ADGRL2: variants seen among roughly 807,000 people sequenced by gnomAD.
ADGRL2 encodes calcium-independent alpha-latrotoxin receptor 2.
A neutral mutation model predicts 157.4 loss-of-function variants in ADGRL2; 44 were observed. The ratio of observed to expected loss-of-function variants is 0.28; its 90% CI spans 0.22 to 0.36. ADGRL2 has a LOEUF of 0.36. Among genes scored for constraint, ADGRL2 ranks in the 10% least tolerant of loss-of-function variants. ADGRL2 has a pLI of 1.00. For synonymous variants in ADGRL2, 585 were observed against 624.7 expected, an observed-to-expected ratio of 0.94 and a Z score of 0.95; for missense variants, 1,510 against 1,768.9, an observed-to-expected ratio of 0.85 and a Z score of 2.63.
At chr1:81,456,175 T>C (rs2077801694) in intron 2 of ADGRL2, among the ~76,000 whole-genome samples, 1 of 152,108 alleles carries the variant, frequency 6.6e-6, no homozygotes, top group African/African-American at 2.4e-5. Context: ...TAGGATATGA[T>C]ATTTAAGGAA....
chr1:81,697,580 G>A (rs917380885), upstream of ADGRL2, among the ~76,000 whole-genome samples: 1 of 152,120 alleles, frequency 6.6e-6, no homozygotes, highest in Non-Finnish European at 1.5e-5. Context: ...CTGACCCATA[G>A]TAGCCGCTCA....
intron 2 of ADGRL2, among the ~76,000 whole-genome samples, chr1:81,491,256 A>T (rs1026640131): frequency 2.6e-5 from 4 of 152,228 alleles, no homozygotes; most frequent in African/African-American, 7.2e-5. Flanking sequence ...AAGCTAAATT[A>T]TGTGATATCT....
intron 3 of ADGRL2, among the ~76,000 whole-genome samples, chr1:81,682,898 G>A (rs1313373822): frequency 9.9e-5 from 15 of 152,162 alleles, no homozygotes; most frequent in African/African-American, 2.7e-4. Flanking sequence ...TTGGGAGGCC[G>A]AGGCGGGTGG....
chr1:81,789,295 C>A (rs918543479), intron 2 of ADGRL2, among the ~76,000 whole-genome samples: 11 of 152,082 alleles, frequency 7.2e-5, no homozygotes, highest in African/African-American at 2.7e-4. Flanking sequence ...GTAATAAGTT[C>A]TATGATAATC....
chr1:81,735,386 G>A (rs2084861062), intron 1 of ADGRL2: 2 of 150,588 alleles, frequency 1.3e-5, no homozygotes, highest in Admixed American at 1.3e-4. Flanking sequence ...ATTGGTACTG[G>A]AAAATAATAA....
chr1:81,699,267 G>A (rs1256671651), upstream of ADGRL2, among the ~76,000 whole-genome samples: 1 of 152,156 alleles, frequency 6.6e-6, no homozygotes, highest in African/African-American at 2.4e-5. Flanking sequence ...TTGCTAAATG[G>A]TTAGATTTAA....
In ADGRL2 at chr1:81,970,162, C is replaced by T. The variant is rs567653519; in HGVS notation, c.2734-152C>T. The T allele has an allele frequency of 3.8e-5, 24 of 624,296 alleles. No individual in the cohort carries two copies. In the East Asian group the frequency reaches 5.7e-4, roughly 15 times the overall value. 38.7% of individuals were successfully genotyped at this position (624,296 alleles called of 1,614,324 possible). ...AGGGTTTTTAGCTTGTTTCCAGTTA[C>T]GAAAAAAATATTTTCAGGAAGCATT... is the stretch of plus-strand genomic sequence containing the variant. On this transcript the variant is annotated intron_variant, in intron 15 of 23. Coordinates refer to ENST00000686636, the MANE Select transcript of ADGRL2 (RefSeq NM_001366006.2).
chr1:81,469,160 C>T (rs182349058), intron 2 of ADGRL2, among the ~76,000 whole-genome samples: 12 of 152,306 alleles, frequency 7.9e-5, no homozygotes, highest in Middle Eastern at 3.4e-3. Flanking sequence ...GGCTTCTGCC[C>T]CACACATTCT....
chr1:81,620,318 T>C lies in ADGRL2; in HGVS notation c.-143+39338T>C, dbSNP rs560969241. On this transcript the variant is annotated intron_variant, in intron 3 of 24. Coordinates refer to the ADGRL2 transcript ENST00000370721. ...ACATAATACATAATTCATTTTTGCATGTGAAATTTAAAAATGTAAGATGTA... is the reference window on the plus strand; with the variant it reads ...ACATAATACATAATTCATTTTTGCACGTGAAATTTAAAAATGTAAGATGTA... Among the ~76,000 whole-genome samples, 4 of 152,324 alleles carry C rather than the reference T, an allele frequency of 2.6e-5. No individual in the cohort carries two copies. The East Asian group carries it at 7.7e-4, about 29-fold the overall frequency.
At chr1:81,758,152 A>C (rs1249706516) in intron 1 of ADGRL2, among the ~76,000 whole-genome samples, 1 of 152,144 alleles carries the variant, frequency 6.6e-6, no homozygotes, top group East Asian at 1.9e-4. Context: ...TTTTGTCTTC[A>C]ACTTTTAATT....
intron 1 of ADGRL2, among the ~76,000 whole-genome samples, chr1:81,432,706 C>G (rs1337370213): frequency 1.3e-5 from 2 of 152,150 alleles, no homozygotes; most frequent in Non-Finnish European, 2.9e-5. Flanking sequence ...CATTTTCAGA[C>G]AGGAGGTCAA....
At chr1:81,769,438 G>A (rs1298127446) in intron 2 of ADGRL2, among the ~76,000 whole-genome samples, 1 of 151,996 alleles carries the variant, frequency 6.6e-6, no homozygotes, top group African/African-American at 2.4e-5. Context: ...GTCATGTGTT[G>A]AATAGTTTAT....
chr1:81,545,113 C>T (rs945330266), intron 2 of ADGRL2, among the ~76,000 whole-genome samples: 11 of 152,076 alleles, frequency 7.2e-5, no homozygotes, highest in African/African-American at 2.7e-4. Context: ...AAAAGAAGGG[C>T]TCGACATTTA....
At chr1:81,965,042 A>G (rs1276226490) in intron 11 of ADGRL2, among the ~76,000 whole-genome samples, 1 of 152,176 alleles carries the variant, frequency 6.6e-6, no homozygotes, top group East Asian at 1.9e-4. Context: ...AGTGGTTACT[A>G]TTAAGTATAT....
intron 1 of ADGRL2, among the ~76,000 whole-genome samples, chr1:81,394,408 T>G (rs2101161502): frequency 6.6e-6 from 1 of 152,296 alleles, no homozygotes; most frequent in Non-Finnish European, 1.5e-5. Flanking sequence ...ATTCTATCTT[T>G]ACTTCCGTGA....
intron 21 of ADGRL2, 86 bp from the exon 22 acceptor site, chr1:81,986,815 A>G: frequency 2.1e-6 from 3 of 1,402,244 alleles, no homozygotes; most frequent in Non-Finnish European, 2.9e-6. Context: ...GAATATAAAA[A>G]AAATAGTTGA....
At chr1:81,827,965 A>T (rs2091640185) in intron 1 of ADGRL2, among the ~76,000 whole-genome samples, 1 of 152,240 alleles carries the variant, frequency 6.6e-6, no homozygotes, top group Non-Finnish European at 1.5e-5. Flanking sequence ...TTAATTTCTT[A>T]AAATAATAGA....
chr1:81,817,749 C>T (rs2090556919), intron 1 of ADGRL2, among the ~76,000 whole-genome samples: 1 of 152,006 alleles, frequency 6.6e-6, no homozygotes, highest in African/African-American at 2.4e-5. Context: ...CTGTGTTGTG[C>T]ATTCCCAAGG....
chr1:81,327,947 T>C (rs1661009656), intron 1 of ADGRL2, among the ~76,000 whole-genome samples: 1 of 152,132 alleles, frequency 6.6e-6, no homozygotes, highest in Non-Finnish European at 1.5e-5. Context: ...ACAGAAGTCA[T>C]TTGACAGCCC....
Sources: allele counts gnomAD v4.1 joint callset (sites outside exome capture counted in the v4.1 genomes callset), GRCh38; gene constraint gnomAD v4.1.1; transcripts MANE v1.5; gene names NCBI Gene and HGNC (gene_info 2026-07-23, HGNC 2026-07-21).